ARHGAP18: variants seen among roughly 807,000 people sequenced by gnomAD.
ARHGAP18 encodes the protein rho GTPase-activating protein 18.
In ARHGAP18, 67 loss-of-function variants were observed where a neutral mutation model predicts 86.2. The ratio of observed to expected loss-of-function variants is 0.78; its 90% confidence interval spans 0.64 to 0.95. The LOEUF (loss-of-function observed/expected upper bound fraction) is 0.95. Among genes scored for constraint, ARHGAP18 ranks in the 40% least tolerant of loss-of-function variants. The pLI is 0.00. For synonymous variants in ARHGAP18, 283 were observed against 280.4 expected (o/e 1.01, Z -0.09); for missense variants, 691 against 780.4 (o/e 0.89, Z 1.37).
chr6:129,604,822 A>G (rs1421736476), intron 10 of ARHGAP18, among the ~76,000 whole-genome samples: 2 of 152,210 alleles, frequency 1.3e-5, no homozygotes, highest in African/African-American at 4.8e-5. Context: ...GTTCTCCTGT[A>G]GCGGACGTAG....
intron 1 of ARHGAP18, among the ~76,000 whole-genome samples, chr6:129,689,688 T>C (rs1486022010): frequency 1.3e-5 from 2 of 152,204 alleles, no homozygotes; most frequent in South Asian, 2.1e-4. Context: ...TTAAACATTA[T>C]AGGTTCGCAT....
At chr6:129,611,395 T>C (rs1584044621) in intron 8 of ARHGAP18, 138 bp downstream of exon 8, 2 of 672,610 alleles carry the variant, frequency 3.0e-6, no homozygotes, top group Non-Finnish European at 4.8e-6. Flanking sequence ...CTAAACTGAA[T>C]GGTAAAAGGT....
intron 1 of ARHGAP18, among the ~76,000 whole-genome samples, chr6:129,675,479 A>T (rs186606264): frequency 6.6e-6 from 1 of 151,928 alleles, no homozygotes; most frequent in Non-Finnish European, 1.5e-5. Flanking sequence ...CATTTTTCAC[A>T]TCTGCAAGGT....
At chr6:129,669,852 A>G (rs971071252) in intron 1 of ARHGAP18, among the ~76,000 whole-genome samples, 1 of 152,214 alleles carries the variant, frequency 6.6e-6, no homozygotes, top group Non-Finnish European at 1.5e-5. Flanking sequence ...ATGAAGCTAT[A>G]TTCAAGCAAT....
chr6:129,702,112 A>G (rs192204606), intron 1 of ARHGAP18, among the ~76,000 whole-genome samples: 24 of 152,356 alleles, frequency 1.6e-4, no homozygotes, highest in Middle Eastern at 6.8e-3. Context: ...GCATATGAAA[A>G]GGAGATGAGG....
chr6:129,640,540 C>G (rs1218531577), intron 2 of ARHGAP18, among the ~76,000 whole-genome samples: 8 of 152,042 alleles, frequency 5.3e-5, no homozygotes. Flanking sequence ...AGAAAAATAA[C>G]AAGAAGTTAA....
rs368661807 is a variant in ARHGAP18, at chr6:129,583,980, G to C, written c.1838+8C>G. On this transcript the variant is annotated splice_region_variant and intron_variant, in intron 13 of 14. Coordinates refer to ENST00000368149, the MANE Select transcript of ARHGAP18 (RefSeq NM_033515.3). ...CCATGGCATAATTAACACAAAACAG[G>C]CCTCTACCTTTCTTGGCTGAGAAAC... The C allele has an allele frequency of 6.2e-7, 1 of 1,612,468 alleles. No homozygotes were observed.
intron 12 of ARHGAP18, among the ~76,000 whole-genome samples, chr6:129,591,993 T>C (rs1788525586): frequency 6.6e-6 from 1 of 152,192 alleles, no homozygotes; most frequent in African/African-American, 2.4e-5. Flanking sequence ...GTTATCCAAA[T>C]GCCTTAAACT....
chr6:129,677,114 C>T (rs1037238794), intron 1 of ARHGAP18, among the ~76,000 whole-genome samples: 5 of 151,574 alleles, frequency 3.3e-5, no homozygotes, highest in African/African-American at 7.3e-5. Context: ...TTATGTTGGC[C>T]GGGCGCGGTG....
At chr6:129,646,080 T>C (rs1441627560) in intron 1 of ARHGAP18, among the ~76,000 whole-genome samples, 1 of 152,178 alleles carries the variant, frequency 6.6e-6, no homozygotes, top group Non-Finnish European at 1.5e-5. Flanking sequence ...GGGTTGCCAT[T>C]GATTATACTG....
At chr6:129,650,052 ACACACATGTGCCAC>A (rs1374907746) in intron 1 of ARHGAP18, among the ~76,000 whole-genome samples, 1 of 149,636 alleles carries the variant, frequency 6.7e-6, no homozygotes, top group African/African-American at 2.5e-5. Flanking sequence ...AGCTGGGATT[ACACACATGTGCCAC>A]CACACCTGGC....
At chr6:129,615,788 T>A (rs1028850862) in intron 7 of ARHGAP18, among the ~76,000 whole-genome samples, 1 of 152,232 alleles carries the variant, frequency 6.6e-6, no homozygotes, top group Non-Finnish European at 1.5e-5. Context: ...TTCTACTTTA[T>A]GGTTTCTTTG....
chr6:129,579,391 C>A (rs183552691), intron 14 of ARHGAP18, among the ~76,000 whole-genome samples: 120 of 152,174 alleles, frequency 7.9e-4, no homozygotes, highest in Middle Eastern at 3.4e-3. Flanking sequence ...AAACACCCTA[C>A]AAAATTTATT....
chr6:129,648,112 A>G (rs1167784196), intron 1 of ARHGAP18, among the ~76,000 whole-genome samples: 1 of 152,102 alleles, frequency 6.6e-6, no homozygotes, highest in Non-Finnish European at 1.5e-5. Context: ...TAAAAATCAA[A>G]CCATATTTTT....
At chr6:129,607,333 A>G (rs1032897709) in intron 9 of ARHGAP18, among the ~76,000 whole-genome samples, 2 of 152,308 alleles carry the variant, frequency 1.3e-5, no homozygotes, top group South Asian at 4.1e-4. Flanking sequence ...TATTAGAGAC[A>G]CTAATGTGTA....
chr6:129,591,199 C>G (rs1009385226), intron 12 of ARHGAP18, among the ~76,000 whole-genome samples: 1 of 152,180 alleles, frequency 6.6e-6, no homozygotes, highest in South Asian at 2.1e-4. Flanking sequence ...TGAAAAGATA[C>G]AACATGCCTG....
At chr6:129,588,544 C>T (rs538639865) in intron 12 of ARHGAP18, among the ~76,000 whole-genome samples, 2 of 152,352 alleles carry the variant, frequency 1.3e-5, no homozygotes, top group South Asian at 4.1e-4. Context: ...AGGGTACAGA[C>T]CCCCTCCCGG....
intron 1 of ARHGAP18, among the ~76,000 whole-genome samples, chr6:129,677,437 T>C (rs1381004490): frequency 6.6e-6 from 1 of 152,168 alleles, no homozygotes; most frequent in Non-Finnish European, 1.5e-5. Context: ...TACCTCCATC[T>C]ACCCTTCTTT....
At chr6:129,622,064 C>T (rs758052099) in intron 5 of ARHGAP18, among the ~76,000 whole-genome samples, 8 of 152,134 alleles carry the variant, frequency 5.3e-5, no homozygotes, top group Non-Finnish European at 1.0e-4. Flanking sequence ...TAATCACTTC[C>T]GTAACGCTGT....
Sources: allele counts gnomAD v4.1 joint callset (sites outside exome capture counted in the v4.1 genomes callset), GRCh38; gene constraint gnomAD v4.1.1; transcripts MANE v1.5; gene names NCBI Gene and HGNC (gene_info 2026-07-23, HGNC 2026-07-21).